CDKN2D: variants seen among roughly 807,000 people sequenced by gnomAD.
CDKN2D encodes the protein cyclin dependent kinase inhibitor 2D.
CDKN2D carries 3 observed loss-of-function variants against 4.7 expected under a neutral mutation model. That is an observed-to-expected ratio of 0.64 (90% CI 0.29 to 1.66). The LOEUF (loss-of-function observed/expected upper bound fraction) is 1.66, where lower values mean the gene tolerates loss of function less well. CDKN2D is among the 40% of genes most tolerant of loss of function. The pLI is 0.10. For missense variants in CDKN2D, 196 were observed against 230.9 expected, an observed-to-expected ratio of 0.85 and a Z score of 0.98; for synonymous variants, 91 against 102.3, an observed-to-expected ratio of 0.89 and a Z score of 0.67.
chr19:10,567,541 G>T, intron 1 of CDKN2D, 124 bp from the exon 2 acceptor site: 1 of 1,108,778 alleles, frequency 9.0e-7, no homozygotes, highest in Non-Finnish European at 1.3e-6. Flanking sequence ...TAGAGGAGGG[G>T]TCCTCTAGTG....
intron 1 of CDKN2D, among the ~76,000 whole-genome samples, chr19:10,567,956 T>C (rs1465702): frequency 0.96 from 146,244 of 152,120 alleles, 70,340 homozygotes; most frequent in East Asian, 1. Context: ...AAACGAGACT[T>C]CCCTGTAAAA....
chr19:10,566,685 G>C lies in CDKN2D; in HGVS notation c.*373C>G, dbSNP rs1916904234. The C allele has an allele frequency of 3.2e-6, 1 of 308,992 alleles. No individual in the cohort carries two copies. The allele number at this position is 308,992 out of a possible 1,614,324, so 19.1% of individuals were successfully genotyped here. On this transcript the variant is annotated 3_prime_UTR_variant, in exon 2 of 2. Transcript: ENST00000393599. The stretch of plus-strand genomic sequence containing the variant: ...TGCCTGAAGCAACGTGCACACTTCA[G>C]GTCTCTGAGCACAGCCGGCCAAGGC...
Position 10,567,378 on chromosome 19 carries a change from G to C in CDKN2D, c.181C>G (p.Leu61Val). The change falls in exon 2 of 2, where the codon CTG becomes GTG. Residue 61 changes from leucine to valine, a missense_variant. Coordinates refer to ENST00000393599, the MANE Select transcript of CDKN2D (RefSeq NM_001800.4). ...FGSTAIALEL[L>V]KQGASPNVQD... ...ACATTGGGGCTGGCACCTTGCTTCA[G>C]CAGCTCCAGGGCGATGGCGGTGCTG... 3.7e-6 allele frequency: 6 copies of C among 1,614,100 alleles called. No homozygotes were observed. Among genetic ancestry groups the C allele is most frequent in the Non-Finnish European group, 5.1e-6 (6 of 1,179,984 alleles).
intron 1 of CDKN2D, among the ~76,000 whole-genome samples, 184 bp from the exon 2 acceptor site, chr19:10,567,601 C>A (rs960570513): frequency 7.9e-6 from 1 of 126,332 alleles, no homozygotes; most frequent in Non-Finnish European, 1.7e-5. Context: ...GGAATAGGGA[C>A]CCCCCCCAAA....
chr19:10,568,710 G>T lies in CDKN2D; in HGVS notation c.-57C>A. ...CCCGCCCCAGCCCGGCGCTGTCAGC[G>T]CGGAGCAGCCGGCGGGCGCTGGCCC... On this transcript the variant is annotated 5_prime_UTR_variant, in exon 1 of 2. Coordinates refer to ENST00000393599, the MANE Select transcript of CDKN2D (RefSeq NM_001800.4). 5.5e-6 allele frequency: 7 copies of T among 1,262,562 alleles called. No individual in the cohort carries two copies. The highest frequency in any genetic ancestry group is 3.2e-5 in the East Asian group (1 of 31,664). The allele number at this position is 1,262,562 out of a possible 1,614,324, so 78.2% of individuals were successfully genotyped here. A position where few individuals can be genotyped will look rare whatever the true frequency, so the allele number is the denominator to read the frequency against.
chr19:10,568,168 G>A (rs1916954025), intron 1 of CDKN2D, among the ~76,000 whole-genome samples: 2 of 152,016 alleles, frequency 1.3e-5, no homozygotes, highest in South Asian at 4.1e-4. Flanking sequence ...TCTCCCCATA[G>A]AAGCCCCAAG....
intron 1 of CDKN2D, among the ~76,000 whole-genome samples, chr19:10,568,234 G>A (rs1047596570): frequency 6.6e-6 from 1 of 152,122 alleles, no homozygotes; most frequent in Non-Finnish European, 1.5e-5. Flanking sequence ...CCGCACCCAC[G>A]GAATAAGAAC....
chr19:10,566,899 A>T lies in CDKN2D; in HGVS notation c.*159T>A. On this transcript the variant is annotated 3_prime_UTR_variant, in exon 2 of 2. Coordinates refer to ENST00000393599, the MANE Select transcript of CDKN2D (RefSeq NM_001800.4). ...GAAAAACAAATGAGAAACGTCCCCC[A>T]AACACTCACACCCCCAAAACCAACA... is the stretch of plus-strand genomic sequence containing the variant. 2 of 696,456 alleles carry T rather than the reference A, an allele frequency of 2.9e-6. No individual in the cohort carries two copies. Among genetic ancestry groups the T allele is most frequent in the Non-Finnish European group, 4.8e-6 (2 of 420,272 alleles). The allele number at this position is 696,456 out of a possible 1,614,324, so 43.1% of individuals were successfully genotyped here. A position where few individuals can be genotyped will look rare whatever the true frequency, so the allele number is the denominator to read the frequency against.
At position 10,568,677 on chromosome 19, in the gene CDKN2D, CCCCCCGCCCCG is replaced by C; in HGVS notation, c.-35_-25del. 2.2e-6 allele frequency: 3 copies of C among 1,381,210 alleles called. No homozygotes were observed. Among genetic ancestry groups the C allele is most frequent in the Non-Finnish European group, 2.8e-6 (3 of 1,068,172 alleles). 85.6% of individuals were successfully genotyped at this position (1,381,210 alleles called of 1,614,324 possible). A position where few individuals can be genotyped will look rare whatever the true frequency, so the allele number is the denominator to read the frequency against. On this transcript the variant is annotated 5_prime_UTR_variant, in exon 1 of 2. Transcript: ENST00000393599. ...ATGTCGACACTGGCGGCCTGCAAAG[CCCCCCGCCCCG>C]CCCCAGCCCGGCGCTGTCAGCGCGG... is the stretch of plus-strand genomic sequence containing the variant.
At chr19:10,568,118 G>A (rs934101847) in intron 1 of CDKN2D, among the ~76,000 whole-genome samples, 1 of 151,828 alleles carries the variant, frequency 6.6e-6, no homozygotes. Flanking sequence ...TACAAAATGA[G>A]GAACCCCTAG....
In CDKN2D at chr19:10,568,650, G is replaced by T. The variant is rs750328086; in HGVS notation, c.4C>A (p.Leu2Met). Reference protein sequence around the residue: MLLEEVRAGDRL... With the variant: MMLEEVRAGDRL... ...TCGCCGGCGCGAACCTCCTCCAGCA[G>T]CATGTCGACACTGGCGGCCTGCAAA... The change falls in exon 1 of 2, where the codon CTG (leucine) becomes ATG (methionine). Residue 2 changes from leucine to methionine, a missense_variant. Physicochemically the swap from Leu to Met is conservative, Grantham distance 15. Transcript: ENST00000393599. 1 of 1,485,902 alleles carries T rather than the reference G, an allele frequency of 6.7e-7. No homozygotes were observed. 92.0% of individuals were successfully genotyped at this position (1,485,902 alleles called of 1,614,324 possible). A position where few individuals can be genotyped will look rare whatever the true frequency, so the allele number is the denominator to read the frequency against.
chr19:10,567,529 G>A, intron 1 of CDKN2D, 112 bp from the exon 2 acceptor site: 1 of 1,267,872 alleles, frequency 7.9e-7, no homozygotes, highest in Non-Finnish European at 1.1e-6. Context: ...AACAGGAAAT[G>A]CTAGAGGAGG....
In CDKN2D at chr19:10,567,241, G is replaced by A. The variant is rs368480610; in HGVS notation, c.318C>T (p.Thr106=). Residue 106 remains threonine (T), a synonymous_variant, in exon 2 of 2, where the codon ACC becomes ACT. Coordinates refer to ENST00000393599, the MANE Select transcript of CDKN2D (RefSeq NM_001800.4). ...CTGCCAGATGGATTGGAAGTGCCCC[G>A]GTGCCATCAGGCACGTTGACATCAG... ...HGADVNVPDG[T]GALPIHLAVQ... 1.0e-4 allele frequency: 169 copies of A among 1,614,142 alleles called. 1 individual carries two copies. The highest frequency in any genetic ancestry group is 6.6e-4 in the Middle Eastern group (4 of 6,062).
chr19:10,567,266 G>A lies in CDKN2D; in HGVS notation c.293C>T (p.Ala98Val). 6.2e-7 allele frequency: 1 copy of A among 1,614,188 alleles called. No homozygotes were observed. Among genetic ancestry groups the A allele is most frequent in the Non-Finnish European group, 8.5e-7 (1 of 1,180,012 alleles). Reference protein sequence around the residue: ...DTLKVLVEHGADVNVPDGTGA... With the variant: ...DTLKVLVEHGVDVNVPDGTGA... ...GGTGCCATCAGGCACGTTGACATCA[G>A]CCCCGTGCTCCACTAGGACCTTCAG... Residue 98 changes from alanine to valine, a missense_variant, in exon 2 of 2, where the codon GCT (alanine) becomes GTT (valine). Ala to Val is a moderately conservative substitution (Grantham distance 64). Transcript: ENST00000393599.
At chr19:10,568,407 T>C in intron 1 of CDKN2D, 106 bp downstream of exon 1, 1 of 1,033,046 alleles carries the variant, frequency 9.7e-7, no homozygotes, top group Non-Finnish European at 1.3e-6. Context: ...AAGGACCGGT[T>C]CCCAGTGGGT....
Position 10,566,741 on chromosome 19 carries a change from A to C in CDKN2D, c.*317T>G, listed in dbSNP as rs1464840425. 4 of 361,950 alleles carry C rather than the reference A, an allele frequency of 1.1e-5. No individual in the cohort carries two copies. Among genetic ancestry groups the C allele is most frequent in the African/African-American group, 8.1e-5 (4 of 49,286 alleles). The allele number at this position is 361,950 out of a possible 1,614,324, so 22.4% of individuals were successfully genotyped here. On this transcript the variant is annotated 3_prime_UTR_variant, in exon 2 of 2. Transcript: ENST00000393599. ...GCTTCTAGGCTCCCTGGAGGTCATGACTTCACTCTTAAATGCTCTGCCCTT... is the reference window on the plus strand; with the variant it reads ...GCTTCTAGGCTCCCTGGAGGTCATGCCTTCACTCTTAAATGCTCTGCCCTT...
chr19:10,567,484 A>T, intron 1 of CDKN2D, 67 bp from the exon 2 acceptor site: 1 of 1,522,574 alleles, frequency 6.6e-7, no homozygotes, highest in Non-Finnish European at 8.8e-7. Context: ...GTCACTGGAA[A>T]GAGAAGGGTC....
Position 10,567,144 on chromosome 19 carries a change from C to T in CDKN2D, c.415G>A (p.Gly139Ser). The T allele has an allele frequency of 6.2e-7, 1 of 1,614,068 alleles. No individual in the cohort carries two copies. Among genetic ancestry groups the T allele is most frequent in the Non-Finnish European group, 8.5e-7 (1 of 1,180,028 alleles). Reference protein sequence around the residue: ...ESDLHRRDARGLTPLELALQR... With the variant: ...ESDLHRRDARSLTPLELALQR... The stretch of plus-strand genomic sequence containing the variant: ...AGTGCCAGCTCCAAGGGTGTGAGAC[C>T]CCTGGCGTCCCTGCGATGGAGATCA... The change falls in exon 2 of 2, where the codon GGT becomes AGT. Residue 139 changes from glycine to serine, a missense_variant. Coordinates refer to ENST00000393599, the MANE Select transcript of CDKN2D (RefSeq NM_001800.4).
rs1340310538 is a variant in CDKN2D at position 10,567,286 on chromosome 19, C to T, written c.273G>A (p.Lys91=). ...AARTGFLDTL[K]VLVEHGADVN... ...CATCAGCCCCGTGCTCCACTAGGAC[C>T]TTCAGGGTGTCCAGGAATCCAGTGC... Residue 91 remains lysine, a synonymous_variant, in exon 2 of 2, where the codon AAG becomes AAA. Transcript: ENST00000393599. 3 of 1,614,076 alleles carry T rather than the reference C, an allele frequency of 1.9e-6. No homozygotes were observed. The highest frequency in any genetic ancestry group is 2.5e-6 in the Non-Finnish European group (3 of 1,180,028).
Sources: gnomAD v4.1 joint callset for allele counts (sites outside exome capture counted in the v4.1 genomes callset) on GRCh38, gnomAD v4.1.1 for gene constraint, MANE v1.5 for transcripts, NCBI Gene and HGNC (gene_info 2026-07-23, HGNC 2026-07-21) for gene names.